ARL14EP: variants seen among roughly 807,000 people sequenced by gnomAD.
ARL14EP encodes the protein ARL14 effector protein.
ARL14EP carries 12 observed loss-of-function variants against 23.1 expected under a neutral mutation model. The ratio of observed to expected loss-of-function variants is 0.52; its 90% confidence interval spans 0.33 to 0.84. The LOEUF is 0.84. Ranked by LOEUF, ARL14EP falls within the 40% of genes least tolerant of loss-of-function variation. The pLI is 0.02. For synonymous variants in ARL14EP, 97 were observed against 102.0 expected (o/e 0.95, Z 0.29); for missense variants, 253 against 307.3 (o/e 0.82, Z 1.32).
chr11:30,336,837 C>T lies in ARL14EP; in HGVS notation c.*42C>T. 6.5e-7 allele frequency: 1 copy of T among 1,527,062 alleles called. No homozygotes were observed. The highest frequency in any genetic ancestry group is 1.7e-4 in the Middle Eastern group (1 of 5,740). The allele number at this position is 1,527,062 out of a possible 1,614,324, so 94.6% of individuals were successfully genotyped here. On this transcript the variant is annotated 3_prime_UTR_variant, in exon 4 of 4. Coordinates refer to ENST00000282032, the MANE Select transcript of ARL14EP (RefSeq NM_152316.3). ...ATGGAGCCTTTAAAGGTCTTTATTT[C>T]TAAAAATCTGTTACTCTAAGATACA...
Position 30,336,832 on chromosome 11 carries a change from T to C in ARL14EP, c.*37T>C. ...AAACTATGGAGCCTTTAAAGGTCTTTATTTCTAAAAATCTGTTACTCTAAG... is the reference window on the plus strand; with the variant it reads ...AAACTATGGAGCCTTTAAAGGTCTTCATTTCTAAAAATCTGTTACTCTAAG... On this transcript the variant is annotated 3_prime_UTR_variant, in exon 4 of 4. Transcript: ENST00000282032. 6.5e-7 allele frequency: 1 copy of C among 1,547,456 alleles called. No individual in the cohort carries two copies. Among genetic ancestry groups the C allele is most frequent in the Non-Finnish European group, 8.9e-7 (1 of 1,120,296 alleles).
chr11:30,330,851 A>G, intron 1 of ARL14EP, 35 bp from the exon 2 acceptor site: 1 of 1,154,436 alleles, frequency 8.7e-7, no homozygotes, highest in Non-Finnish European at 1.3e-6. Flanking sequence ...ATAAACTTGC[A>G]GCACAAATTT....
rs1372356271 is a variant in ARL14EP, at chr11:30,336,727, C to T, written c.715C>T (p.Arg239Cys). Reference protein sequence around the residue: ...TKCGAECRCDRKWLYEQIEIE... With the variant: ...TKCGAECRCDCKWLYEQIEIE... ...GTGTGGAGCTGAATGCCGCTGTGAC[C>T]GCAAGTGGCTGTATGAGCAAATTGA... The change falls in exon 4 of 4, where the codon CGC becomes TGC. Residue 239 changes from arginine (R) to cysteine (C), a missense_variant. Coordinates refer to ENST00000282032, the MANE Select transcript of ARL14EP (RefSeq NM_152316.3). 8 of 1,614,046 alleles carry T rather than the reference C, an allele frequency of 5.0e-6. No homozygotes were observed. The highest frequency in any genetic ancestry group is 1.7e-5 in the Admixed American group (1 of 60,008).
intron 3 of ARL14EP, among the ~76,000 whole-genome samples, chr11:30,333,262 C>T (rs1048521400): frequency 6.6e-5 from 10 of 152,086 alleles, no homozygotes; most frequent in Admixed American, 5.2e-4. Flanking sequence ...AAGTAATTCA[C>T]TTATTTGAAA....
At position 30,337,286 on chromosome 11, in the gene ARL14EP, C is replaced by G. The variant is rs892619648; in HGVS notation, c.*491C>G. The G allele has an allele frequency of 5.7e-6, 1 of 176,312 alleles. No homozygotes were observed. Among genetic ancestry groups the G allele is most frequent in the African/African-American group, 2.4e-5 (1 of 41,662 alleles). The allele number at this position is 176,312 out of a possible 1,614,324, so 10.9% of individuals were successfully genotyped here. A position where few individuals can be genotyped will look rare whatever the true frequency, so the allele number is the denominator to read the frequency against. ...ATGATTGTGACCAGTCATGTTATTT[C>G]TTTCAAATTCTTCCAGTGGTTTGTC... On this transcript the variant is annotated 3_prime_UTR_variant, in exon 4 of 4. Transcript: ENST00000282032.
At chr11:30,335,450 C>G (rs1397365690) in intron 3 of ARL14EP, among the ~76,000 whole-genome samples, 2 of 152,144 alleles carry the variant, frequency 1.3e-5, no homozygotes, top group Admixed American at 1.3e-4. Context: ...CCATCACATG[C>G]TACAGAGAAA....
At chr11:30,333,628 T>A (rs1239326107) in intron 3 of ARL14EP, among the ~76,000 whole-genome samples, 2 of 152,150 alleles carry the variant, frequency 1.3e-5, no homozygotes, top group Non-Finnish European at 2.9e-5. Flanking sequence ...ACTCTCTCCC[T>A]CTCCTCAGGT....
intron 3 of ARL14EP, among the ~76,000 whole-genome samples, chr11:30,336,264 A>G (rs968275687): frequency 2.6e-5 from 4 of 152,218 alleles, no homozygotes; most frequent in African/African-American, 7.2e-5. Context: ...TAATAAAGTG[A>G]ACCACTATTA....
rs190019674 is a variant in ARL14EP, at chr11:30,331,979, T to C, written c.426+605T>C. 2.2e-3 allele frequency among the ~76,000 whole-genome samples: 328 copies of C among 152,258 alleles called. 1 individual carries two copies. Among genetic ancestry groups the C allele is most frequent in the African/African-American group, 7.8e-3 (324 of 41,548 alleles). ...AAAAAAAAAATAATACATTTTTACATTGTAAAGTATTAAATATTTTACCTC... is the reference window on the plus strand; with the variant it reads ...AAAAAAAAAATAATACATTTTTACACTGTAAAGTATTAAATATTTTACCTC... On this transcript the variant is annotated intron_variant, in intron 2 of 3. Coordinates refer to ENST00000282032, the MANE Select transcript of ARL14EP (RefSeq NM_152316.3).
chr11:30,333,834 A>C (rs186321407), intron 3 of ARL14EP, among the ~76,000 whole-genome samples: 10 of 152,334 alleles, frequency 6.6e-5, no homozygotes, highest in Non-Finnish European at 1.2e-4. Context: ...TAAACAGCCA[A>C]GTTGTGAATG....
chr11:30,331,495 A>G (rs557360928), intron 2 of ARL14EP, 121 bp downstream of exon 2: 1 of 1,522,698 alleles, frequency 6.6e-7, no homozygotes, highest in African/African-American at 1.4e-5. Flanking sequence ...AATTAAAAGG[A>G]GGGGTGAAAG....
chr11:30,324,878 A>C (rs1565006868), intron 1 of ARL14EP, among the ~76,000 whole-genome samples: 1 of 152,202 alleles, frequency 6.6e-6, no homozygotes, highest in African/African-American at 2.4e-5. Flanking sequence ...TAGTGCTACA[A>C]AAATATTAAA....
chr11:30,333,134 T>G, intron 3 of ARL14EP, 141 bp downstream of exon 3: 2 of 1,117,114 alleles, frequency 1.8e-6, no homozygotes, highest in Non-Finnish European at 2.5e-6. Flanking sequence ...TATGAAGGCC[T>G]TTGTTTTTAT....
chr11:30,332,068 GCT>G (rs1947289546), intron 2 of ARL14EP, among the ~76,000 whole-genome samples: 1 of 151,816 alleles, frequency 6.6e-6, no homozygotes, highest in Admixed American at 6.6e-5. Context: ...TTTTCATAAA[GCT>G]ATCTTTTGTG....
intron 3 of ARL14EP, among the ~76,000 whole-genome samples, chr11:30,336,156 A>G (rs995676362): frequency 6.6e-6 from 1 of 152,212 alleles, no homozygotes; most frequent in African/African-American, 2.4e-5. Context: ...AGTCCATTAA[A>G]GAACAAGAAA....
intron 2 of ARL14EP, among the ~76,000 whole-genome samples, chr11:30,332,360 A>G (rs1947292324): frequency 6.6e-6 from 1 of 151,726 alleles, no homozygotes; most frequent in Admixed American, 6.6e-5. Context: ...TATCAGCTGC[A>G]GCTCTTTCCT....
chr11:30,328,136 A>G (rs1947254162), intron 1 of ARL14EP: 2 of 151,744 alleles, frequency 1.3e-5, no homozygotes, highest in African/African-American at 4.8e-5. Context: ...AAGAAAAAAA[A>G]AATTTTTTTT....
chr11:30,324,261 A>G (rs1472986132), intron 1 of ARL14EP, among the ~76,000 whole-genome samples: 2 of 152,208 alleles, frequency 1.3e-5, no homozygotes, highest in South Asian at 4.1e-4. Flanking sequence ...AATTTTTTTC[A>G]TAAAACATTT....
intron 2 of ARL14EP, 103 bp downstream of exon 2, chr11:30,331,477 A>G (rs3858431): frequency 0.22 from 342,293 of 1,550,914 alleles, 41,763 homozygotes; most frequent in East Asian, 0.62. Flanking sequence ...ATTTGTTAGC[A>G]TACAGTGAAT....
Sources: gnomAD v4.1 joint callset for allele counts (sites outside exome capture counted in the v4.1 genomes callset) on GRCh38, gnomAD v4.1.1 for gene constraint, MANE v1.5 for transcripts, NCBI Gene and HGNC (gene_info 2026-07-23, HGNC 2026-07-21) for gene names.